BLTP1: variants seen among roughly 807,000 people sequenced by gnomAD.
BLTP1 encodes the protein bridge-like lipid transfer protein family member 1, also known as fragile site-associated protein.
the BLTP1 span, chr4:122,337,122 TCAGGTTCATGAACC>T: frequency 5.6e-6 from 6 of 1,063,320 alleles, no homozygotes; most frequent in East Asian, 1.5e-4. Context: ...TTTCTTAACC[TCAGGTTCATGAACC>T]TTTAGTATGT....
the BLTP1 span, among the ~76,000 whole-genome samples, chr4:122,241,340 C>G: frequency 1.3e-5 from 2 of 152,140 alleles, no homozygotes; most frequent in African/African-American, 4.8e-5. Context: ...TAAGCAAAGG[C>G]TAGGTCATTT....
the BLTP1 span, chr4:122,279,609 C>G: frequency 3.2e-6 from 1 of 307,756 alleles, no homozygotes; most frequent in Non-Finnish European, 4.7e-6. Flanking sequence ...TATTTTGGTG[C>G]AAAATAATTC....
At chr4:122,356,033 G>A in the BLTP1 span, 1 of 1,472,432 alleles carries the variant, frequency 6.8e-7, no homozygotes, top group Non-Finnish European at 9.3e-7. Context: ...AAATTCTAAA[G>A]GCACTTCAAA....
chr4:122,165,782 G>A, the BLTP1 span, among the ~76,000 whole-genome samples: 2 of 139,516 alleles, frequency 1.4e-5, no homozygotes, highest in Non-Finnish European at 3.2e-5. Context: ...GTGTGAGATG[G>A]TATCTCATTG....
At chr4:122,220,352 C>G in the BLTP1 span, 11 of 1,612,932 alleles carry the variant, frequency 6.8e-6, no homozygotes, top group South Asian at 1.1e-5. Flanking sequence ...ACTGATGGTC[C>G]TGAATGCCCT....
At chr4:122,264,114 TA>T in the BLTP1 span, 22 of 1,238,274 alleles carry the variant, frequency 1.8e-5, no homozygotes, top group South Asian at 3.3e-4. Flanking sequence ...AAGTATGCAT[TA>T]TTTTTTTTCT....
chr4:122,360,338 T>G, the BLTP1 span, among the ~76,000 whole-genome samples: 1 of 152,224 alleles, frequency 6.6e-6, no homozygotes, highest in Admixed American at 6.5e-5. Context: ...GTTTCAGTTA[T>G]ATTTATGATA....
At chr4:122,301,382 A>G in the BLTP1 span, 3 of 1,592,188 alleles carry the variant, frequency 1.9e-6, no homozygotes, top group Non-Finnish European at 2.6e-6. Flanking sequence ...TCTATTCCCT[A>G]AACTTGCAGT....
chr4:122,191,505 C>T, the BLTP1 span, among the ~76,000 whole-genome samples: 1 of 152,086 alleles, frequency 6.6e-6, no homozygotes, highest in South Asian at 2.1e-4. Context: ...ATTTGCATTA[C>T]TCAGTGAACC....
the BLTP1 span, chr4:122,261,168 G>A: frequency 3.0e-4 from 123 of 416,450 alleles, no homozygotes; most frequent in Non-Finnish European, 3.8e-4. Flanking sequence ...AACATTCAAT[G>A]ATAGTTTGAT....
the BLTP1 span, chr4:122,301,148 T>C: frequency 9.2e-7 from 1 of 1,088,020 alleles, no homozygotes; most frequent in Non-Finnish European, 1.2e-6. Flanking sequence ...ATCTTTCATA[T>C]ATCTGTCTCA....
chr4:122,267,945 C>T, the BLTP1 span, among the ~76,000 whole-genome samples: 1 of 151,982 alleles, frequency 6.6e-6, no homozygotes, highest in Non-Finnish European at 1.5e-5. Flanking sequence ...AATTAAAATA[C>T]TTGTGTCTGA....
the BLTP1 span, among the ~76,000 whole-genome samples, chr4:122,212,617 C>CA: frequency 0.018 from 2,591 of 144,804 alleles, 41 homozygotes; most frequent in African/African-American, 0.052. Flanking sequence ...TTGTTTTTAT[C>CA]AAAAAAAAAA....
At chr4:122,286,818 T>C in the BLTP1 span, 9 of 1,574,220 alleles carry the variant, frequency 5.7e-6, no homozygotes, top group South Asian at 1.2e-5. Flanking sequence ...TTACTCTTCG[T>C]AATTTAGGAG....
chr4:122,239,542 G>A, the BLTP1 span: 1 of 1,593,642 alleles, frequency 6.3e-7, no homozygotes, highest in Non-Finnish European at 8.6e-7. Context: ...TCAGGAAACA[G>A]CCCTGTGTCT....
At chr4:122,235,156 T>G in the BLTP1 span, 1 of 900,272 alleles carries the variant, frequency 1.1e-6, no homozygotes, top group East Asian at 2.7e-5. Flanking sequence ...TTTAGTATAA[T>G]CCACCTTTGT....
At chr4:122,163,896 C>T in the BLTP1 span, among the ~76,000 whole-genome samples, 1 of 152,164 alleles carries the variant, frequency 6.6e-6, no homozygotes, top group Non-Finnish European at 1.5e-5. Context: ...ACTGCCTTCT[C>T]TTTCTCCTTT....
the BLTP1 span, chr4:122,315,289 A>G: frequency 5.0e-6 from 2 of 397,256 alleles, no homozygotes; most frequent in African/African-American, 4.4e-5. Context: ...TATACAGAGG[A>G]AACAGTAGAT....
the BLTP1 span, among the ~76,000 whole-genome samples, chr4:122,317,851 G>A: frequency 6.6e-6 from 1 of 152,124 alleles, no homozygotes; most frequent in African/African-American, 2.4e-5. Context: ...TATATTATAT[G>A]TAGAATTTTA....
Sources: allele counts gnomAD v4.1 joint callset (sites outside exome capture counted in the v4.1 genomes callset), GRCh38; gene constraint gnomAD v4.1.1; transcripts MANE v1.5; gene names NCBI Gene and HGNC (gene_info 2026-07-23, HGNC 2026-07-21).